The following VPS13B variants were observed in gnomAD, a reference collection of about 807,000 sequenced individuals.
The protein encoded by VPS13B is vacuolar protein sorting 13 homolog B, also known as intermembrane lipid transfer protein VPS13B.
In VPS13B, 285 loss-of-function variants were observed where a neutral mutation model predicts 426.4. The ratio of observed to expected loss-of-function variants is 0.67; its 90% CI spans 0.61 to 0.74. The LOEUF is 0.74. Among genes scored for constraint, VPS13B ranks in the 30% least tolerant of loss-of-function variants. VPS13B has a pLI of 0.00. For synonymous variants in VPS13B, 1,676 were observed against 1,676.4 expected (o/e 1.00, Z 0.01); for missense variants, 4,537 against 4,782.6 (o/e 0.95, Z 1.51).
rs56261645 is a variant in VPS13B, at chr8:99,478,447, G to GTTTTTTTT, written c.3667-3141_3667-3134dup. 2.4e-4 allele frequency among the ~76,000 whole-genome samples: 21 copies of GTTTTTTTT among 85,778 alleles called. 1 individual carries two copies. Among genetic ancestry groups the GTTTTTTTT allele is most frequent in the African/African-American group, 3.0e-4 (6 of 19,694 alleles). 56.3% of individuals were successfully genotyped at this position (85,778 alleles called of 152,430 possible). On this transcript the variant is annotated intron_variant, in intron 24 of 61. Transcript: ENST00000357162. ...TTTGAGACAGTTGTTTTTTTGTTTT[G>GTTTTTTTT]TTTTTTTTTTTTTTTTTTGTTTTTT... is the stretch of plus-strand genomic sequence containing the variant.
chr8:99,818,983 G>GGGGGGGGGGC, intron 47 of VPS13B, 95 bp downstream of exon 47: 1 of 384,876 alleles, frequency 2.6e-6, no homozygotes, highest in Non-Finnish European at 5.3e-6. Context: ...GGAGGGGTGG[G>GGGGGGGGGGC]TAGGGAGATG....
chr8:99,065,713 A>G (rs1664950229), intron 3 of VPS13B, among the ~76,000 whole-genome samples: 1 of 152,206 alleles, frequency 6.6e-6, no homozygotes, highest in Admixed American at 6.5e-5. Context: ...AGGAAGTCAA[A>G]TTGTCCCTGT....
intron 19 of VPS13B, among the ~76,000 whole-genome samples, chr8:99,313,922 G>A (rs1269348733): frequency 1.3e-5 from 2 of 152,070 alleles, no homozygotes; most frequent in African/African-American, 2.4e-5. Context: ...TCAGACTGCT[G>A]TGCTAGCAAT....
At chr8:99,241,285 G>A (rs186010707) in intron 17 of VPS13B, 37 of 152,310 alleles carry the variant, frequency 2.4e-4, no homozygotes, top group Admixed American at 1.4e-3. Flanking sequence ...AAAGAGGATA[G>A]TGATAGAGAT....
rs1563704495 is a variant in VPS13B at position 99,391,695 on chromosome 8, A to C, written c.3073A>C (p.Thr1025Pro). Residue 1025 changes from threonine (T) to proline (P), a missense_variant, in exon 21 of 62, where the codon ACG (threonine) becomes CCG (proline). Physicochemically the swap from Thr to Pro is conservative, Grantham distance 38. Coordinates refer to ENST00000357162, the MANE Select transcript of VPS13B (RefSeq NM_152564.5). ...EYASSPVKTK[T>P]VTESRPLSVP... Reference sequence around the variant, plus strand: ...TGCCAGCAGCCCTGTAAAAACAAAAACGGTAACAGGTATGTGTCAAGTACT... The same window carrying C: ...TGCCAGCAGCCCTGTAAAAACAAAACCGGTAACAGGTATGTGTCAAGTACT... The C allele has an allele frequency of 1.2e-6, 2 of 1,613,958 alleles. No individual in the cohort carries two copies. Among genetic ancestry groups the C allele is most frequent in the Admixed American group, 3.3e-5 (2 of 60,002 alleles).
chr8:99,515,479 G>A (rs976095676), intron 29 of VPS13B, among the ~76,000 whole-genome samples: 1 of 151,872 alleles, frequency 6.6e-6, no homozygotes, highest in Admixed American at 6.6e-5. Flanking sequence ...GCTGTGGTGG[G>A]TTTTTAACAT....
intron 40 of VPS13B, among the ~76,000 whole-genome samples, chr8:99,773,164 A>C (rs548756015): frequency 6.6e-6 from 1 of 152,266 alleles, no homozygotes; most frequent in East Asian, 1.9e-4. Flanking sequence ...AGGTCTAATT[A>C]CTGTACTCAT....
chr8:99,163,467 G>A (rs1032359535), intron 15 of VPS13B, among the ~76,000 whole-genome samples: 38 of 152,230 alleles, frequency 2.5e-4, no homozygotes, highest in African/African-American at 3.9e-4. Context: ...TCGTTGGGGA[G>A]GCTCGGGCTG....
At chr8:99,581,030 C>CACAA (rs1032237680) in intron 33 of VPS13B, among the ~76,000 whole-genome samples, 2 of 144,950 alleles carry the variant, frequency 1.4e-5, no homozygotes, top group East Asian at 4.1e-4. Context: ...CACACACACA[C>CACAA]AAATTAGGCA....
chr8:99,209,124 C>T (rs1233780193), intron 17 of VPS13B, among the ~76,000 whole-genome samples: 1 of 151,806 alleles, frequency 6.6e-6, no homozygotes, highest in Non-Finnish European at 1.5e-5. Flanking sequence ...ACTAAAAATA[C>T]AAAAATTAGC....
intron 54 of VPS13B, among the ~76,000 whole-genome samples, chr8:99,846,554 G>C (rs913496155): frequency 2.0e-5 from 3 of 152,176 alleles, no homozygotes; most frequent in Non-Finnish European, 4.4e-5. Flanking sequence ...TCATGCAAAA[G>C]GCTACAAGGT....
chr8:99,067,642 C>T (rs1285728599), intron 3 of VPS13B, among the ~76,000 whole-genome samples: 1 of 152,092 alleles, frequency 6.6e-6, no homozygotes, highest in Non-Finnish European at 1.5e-5. Flanking sequence ...TAAAGTATAA[C>T]TTAAGAAATC....
At chr8:99,620,705 C>T (rs1325382849) in intron 33 of VPS13B, among the ~76,000 whole-genome samples, 2 of 151,582 alleles carry the variant, frequency 1.3e-5, no homozygotes, top group African/African-American at 2.4e-5. Context: ...GGTACAGTGG[C>T]TTACACCTGT....
At chr8:99,373,203 C>T (rs1487278132) in intron 19 of VPS13B, among the ~76,000 whole-genome samples, 1 of 151,840 alleles carries the variant, frequency 6.6e-6, no homozygotes, top group Non-Finnish European at 1.5e-5. Flanking sequence ...AGGACAAATA[C>T]CTAATGCATG....
chr8:99,406,420 A>G (rs1319556250), intron 21 of VPS13B, among the ~76,000 whole-genome samples: 1 of 152,062 alleles, frequency 6.6e-6, no homozygotes, highest in East Asian at 1.9e-4. Flanking sequence ...TCATTCCTTA[A>G]TCTTTTAAAC....
At chr8:99,871,102 C>G in intron 60 of VPS13B, 1 of 617,896 alleles carries the variant, frequency 1.6e-6, no homozygotes, top group Non-Finnish European at 2.8e-6. Flanking sequence ...CTGTTCCGTA[C>G]CTAACCACTC....
intron 19 of VPS13B, among the ~76,000 whole-genome samples, chr8:99,331,111 A>G (rs138303267): frequency 3.3e-5 from 5 of 151,938 alleles, no homozygotes; most frequent in Admixed American, 3.3e-4. Flanking sequence ...ATAAGGATGC[A>G]TGGTTCCACT....
chr8:99,135,568 C>T (rs1001497089), intron 10 of VPS13B, 28 bp from the exon 11 acceptor site: 1 of 1,608,908 alleles, frequency 6.2e-7, no homozygotes, highest in Non-Finnish European at 8.5e-7. Context: ...TTTTTCTTCC[C>T]ATTTATAAAT....
intron 43 of VPS13B, among the ~76,000 whole-genome samples, chr8:99,805,677 G>C (rs996655485): frequency 3.9e-5 from 6 of 152,190 alleles, no homozygotes; most frequent in African/African-American, 1.4e-4. Context: ...TGCCAGCGCA[G>C]CTCTGGGGGT....
Sources: gnomAD v4.1 joint callset for allele counts (sites outside exome capture counted in the v4.1 genomes callset) on GRCh38, gnomAD v4.1.1 for gene constraint, MANE v1.5 for transcripts, NCBI Gene and HGNC (gene_info 2026-07-23, HGNC 2026-07-21) for gene names.